INTS8: variants seen among roughly 807,000 people sequenced by gnomAD.
INTS8 encodes protein kaonashi-1.
INTS8 carries 47 observed loss-of-function variants against 138.9 expected under a neutral mutation model. The ratio of observed to expected loss-of-function variants is 0.34; its 90% CI spans 0.27 to 0.43. INTS8 has a LOEUF of 0.43. INTS8 is among the 20% of genes least tolerant of loss of function. INTS8 has a pLI of 1.00. For synonymous variants in INTS8, 392 were observed against 400.9 expected, an observed-to-expected ratio of 0.98 and a Z score of 0.27; for missense variants, 996 against 1,173.0, an observed-to-expected ratio of 0.85 and a Z score of 2.20.
intron 12 of INTS8, 46 bp from the exon 13 acceptor site, chr8:94,851,507 G>GT (rs1815543959): frequency 1.5e-6 from 2 of 1,309,310 alleles, no homozygotes; most frequent in African/African-American, 3.1e-5. Flanking sequence ...TGTTATTCTC[G>GT]TGTATATCTT....
At chr8:94,848,924 A>G (rs933897969) in intron 10 of INTS8, among the ~76,000 whole-genome samples, 1 of 152,070 alleles carries the variant, frequency 6.6e-6, no homozygotes, top group African/African-American at 2.4e-5. Flanking sequence ...ATATGAAAAT[A>G]TTATTTGTAG....
intron 15 of INTS8, among the ~76,000 whole-genome samples, chr8:94,859,267 TG>T (rs1815864314): frequency 6.6e-6 from 1 of 151,000 alleles, no homozygotes; most frequent in Non-Finnish European, 1.5e-5. Flanking sequence ...GGCGACAGAG[TG>T]AGACCCTGTC....
Position 94,880,524 on chromosome 8 carries a change from A to G in INTS8, c.*290A>G, listed in dbSNP as rs1816768116. 1 of 298,988 alleles carries G rather than the reference A, an allele frequency of 3.3e-6. No individual in the cohort carries two copies. The highest frequency in any genetic ancestry group is 6.0e-6 in the Non-Finnish European group (1 of 165,908). 18.5% of individuals were successfully genotyped at this position (298,988 alleles called of 1,614,324 possible). A position where few individuals can be genotyped will look rare whatever the true frequency, so the allele number is the denominator to read the frequency against. On this transcript the variant is annotated 3_prime_UTR_variant, in exon 27 of 27. Transcript: ENST00000523731. ...TGAGGCTGGATTTTTTTTTTAGAAA[A>G]GCTAATTTAAAATATTTAGAAATAG...
Position 94,836,601 on chromosome 8 carries a change from A to G in INTS8, c.831A>G (p.Lys277=). The change falls in exon 7 of 27, where the codon AAA becomes AAG. Residue 277 remains lysine, a synonymous_variant. Transcript: ENST00000523731. The part of the protein sequence containing the change: ...NSAVYENARE[K]FFRTKELIAE... ...CTGTCTATGAAAATGCCAGGGAAAA[A>G]TTTTTTAGAACCAAAGAACTAATTG... is the stretch of plus-strand genomic sequence containing the variant. The G allele has an allele frequency of 6.2e-7, 1 of 1,613,490 alleles. No homozygotes were observed.
rs986492665 is a variant in INTS8, at chr8:94,823,343, G to C, written c.-89G>C. 1.5e-5 allele frequency: 22 copies of C among 1,510,082 alleles called. No homozygotes were observed. Among genetic ancestry groups the C allele is most frequent in the South Asian group, 7.5e-5 (6 of 79,506 alleles). 93.5% of individuals were successfully genotyped at this position (1,510,082 alleles called of 1,614,324 possible). ...TTCGGAGGGTGGCCTCTCTCCCACC[G>C]GGTTCCGCATACCCCAGGCACCGGC... On this transcript the variant is annotated 5_prime_UTR_variant, in exon 1 of 27. Transcript: ENST00000523731.
intron 16 of INTS8, among the ~76,000 whole-genome samples, chr8:94,860,631 T>C (rs891199517): frequency 3.4e-5 from 5 of 147,658 alleles, no homozygotes; most frequent in Non-Finnish European, 6.0e-5. Flanking sequence ...AAACATGTAG[T>C]GATTTAACAT....
chr8:94,839,190 C>G (rs1246261901), intron 8 of INTS8, among the ~76,000 whole-genome samples: 2 of 152,170 alleles, frequency 1.3e-5, no homozygotes, highest in Non-Finnish European at 2.9e-5. Flanking sequence ...CCCACCTGCT[C>G]TTGAGCCTAC....
intron 14 of INTS8, 28 bp downstream of exon 14, chr8:94,853,943 G>T: frequency 2.3e-6 from 3 of 1,303,138 alleles, no homozygotes; most frequent in Non-Finnish European, 2.2e-6. Context: ...TCAAACACTT[G>T]TTAAGAATAT....
At chr8:94,851,431 A>G in intron 12 of INTS8, 122 bp from the exon 13 acceptor site, 2 of 572,788 alleles carry the variant, frequency 3.5e-6, no homozygotes, top group Non-Finnish European at 5.6e-6. Context: ...TGAATGCATC[A>G]GTTCTCAAGA....
chr8:94,876,854 A>G (rs959915345), intron 26 of INTS8, among the ~76,000 whole-genome samples: 4 of 152,098 alleles, frequency 2.6e-5, no homozygotes, highest in Admixed American at 1.3e-4. Context: ...TGTTCTTTCA[A>G]CAAGCCAAGA....
At chr8:94,840,621 G>A (rs1294923662) in intron 8 of INTS8, among the ~76,000 whole-genome samples, 3 of 138,834 alleles carry the variant, frequency 2.2e-5, no homozygotes, top group Admixed American at 7.6e-5. Flanking sequence ...GCAGTGGCAC[G>A]ATCTTGGTTC....
intron 20 of INTS8, chr8:94,868,549 G>A (rs548423694): frequency 1.4e-4 from 22 of 152,330 alleles, no homozygotes; most frequent in African/African-American, 5.1e-4. Flanking sequence ...ACATGTGCAT[G>A]CTCCACAGCA....
chr8:94,857,145 C>A (rs1248392135), intron 15 of INTS8, among the ~76,000 whole-genome samples, 167 bp downstream of exon 15: 1 of 150,388 alleles, frequency 6.6e-6, no homozygotes, highest in Admixed American at 6.6e-5. Context: ...CGATCTCGGC[C>A]CACTGCAGTC....
Position 94,827,420 on chromosome 8 carries a change from A to G in INTS8, c.446+17A>G. ...TAATAGATGGTAAATGTTTTCATAA[A>G]CTCAGAAGGCGTTGGGCAACCTCTG... On this transcript the variant is annotated intron_variant, in intron 3 of 26. Transcript: ENST00000523731. 6.2e-7 allele frequency: 1 copy of G among 1,613,604 alleles called. No individual in the cohort carries two copies. The highest frequency in any genetic ancestry group is 1.1e-5 in the South Asian group (1 of 91,036).
chr8:94,825,096 T>G (rs1229384803), intron 2 of INTS8, 29 bp downstream of exon 2: 1 of 1,444,644 alleles, frequency 6.9e-7, no homozygotes, highest in African/African-American at 1.4e-5. Flanking sequence ...AAATTTCATT[T>G]GAAGTGCTAT....
At chr8:94,871,530 G>T (rs1816399002) in intron 20 of INTS8, among the ~76,000 whole-genome samples, 1 of 151,780 alleles carries the variant, frequency 6.6e-6, no homozygotes, top group Admixed American at 6.6e-5. Context: ...AGTCTCTTTT[G>T]TTGCCCATAA....
At chr8:94,849,832 G>T (rs944777125) in intron 11 of INTS8, 84 bp from the exon 12 acceptor site, 3 of 981,946 alleles carry the variant, frequency 3.1e-6, no homozygotes, top group South Asian at 1.9e-5. Flanking sequence ...TTTTTAAATG[G>T]CTTATTAAAA....
At chr8:94,827,822 G>C (rs1339093278) in intron 4 of INTS8, 29 bp downstream of exon 4, 2 of 1,551,486 alleles carry the variant, frequency 1.3e-6, no homozygotes, top group Admixed American at 3.5e-5. Flanking sequence ...CCTTTACTTG[G>C]CACTTTTTTC....
At chr8:94,877,847 T>C (rs916883575) in intron 26 of INTS8, among the ~76,000 whole-genome samples, 3 of 152,200 alleles carry the variant, frequency 2.0e-5, no homozygotes, top group Admixed American at 6.5e-5. Context: ...CAGTGGGATA[T>C]TGAGTTTTGT....
Sources: gnomAD v4.1 joint callset for allele counts (sites outside exome capture counted in the v4.1 genomes callset) on GRCh38, gnomAD v4.1.1 for gene constraint, MANE v1.5 for transcripts, NCBI Gene and HGNC (gene_info 2026-07-23, HGNC 2026-07-21) for gene names.